Variants in SNAP47 observed in about 807,000 individuals in gnomAD.
SNAP47 encodes the protein synaptosomal-associated protein 47.
SNAP47 carries 20 observed loss-of-function variants against 31.4 expected under a neutral mutation model. The observed-to-expected ratio is 0.64, with a 90% CI of 0.45 to 0.93. SNAP47 has a LOEUF of 0.93. SNAP47 is among the 40% of genes least tolerant of loss of function. The probability of loss-of-function intolerance (pLI) is 0.00; values close to 1 mark genes in which losing one functional copy is unlikely to be tolerated. For synonymous variants in SNAP47, 194 were observed against 213.4 expected (o/e 0.91, Z 0.79); for missense variants, 492 against 528.5 (o/e 0.93, Z 0.68).
intron 4 of SNAP47, chr1:227,777,240 G>C: frequency 2.6e-6 from 1 of 385,492 alleles, no homozygotes. Context: ...AACATAAAGT[G>C]ATCACATCAC....
chr1:227,763,721 A>G lies in SNAP47; in HGVS notation c.989-3238A>G, dbSNP rs1305244126. On this transcript the variant is annotated intron_variant, in intron 3 of 4. Coordinates refer to ENST00000617596, the MANE Select transcript of SNAP47 (RefSeq NM_053052.4). This position sits in a 1 kb window ranked among gnomAD's most constrained non-coding sequence, Gnocchi z 4.2. ...GAGCACACAAGCTGCTGTCTCCTCC[A>G]TTCAGCTCCCTACGCTGTCCTTACC... 1.3e-5 allele frequency among the ~76,000 whole-genome samples: 2 copies of G among 152,296 alleles called. No homozygotes were observed. Among genetic ancestry groups the G allele is most frequent in the Non-Finnish European group, 1.5e-5 (1 of 68,010 alleles).
intron 4 of SNAP47, among the ~76,000 whole-genome samples, chr1:227,775,334 T>G (rs1438461818): frequency 6.6e-6 from 1 of 152,258 alleles, no homozygotes; most frequent in African/African-American, 2.4e-5. Flanking sequence ...AGCTCTGTTC[T>G]TAAATGGTTG....
chr1:227,739,102 C>A (rs999675804), intron 1 of SNAP47, among the ~76,000 whole-genome samples: 1 of 152,176 alleles, frequency 6.6e-6, no homozygotes, highest in Non-Finnish European at 1.5e-5. Flanking sequence ...GCCCTGGCAT[C>A]GCTTGGGAAT....
At chr1:227,767,545 A>G (rs1297970450) in intron 4 of SNAP47, among the ~76,000 whole-genome samples, 1 of 151,950 alleles carries the variant, frequency 6.6e-6, no homozygotes, top group East Asian at 1.9e-4. Flanking sequence ...ACTTGTGAGT[A>G]CATGTGTGTG....
chr1:227,776,607 A>G, intron 4 of SNAP47: 3 of 985,442 alleles, frequency 3.0e-6, no homozygotes, highest in Non-Finnish European at 3.6e-6. Flanking sequence ...CAGACTTCAC[A>G]TTCTCCATTC....
At chr1:227,751,871 C>T (rs1050859287) in intron 2 of SNAP47, among the ~76,000 whole-genome samples, 1 of 146,352 alleles carries the variant, frequency 6.8e-6, no homozygotes, top group South Asian at 2.2e-4. Flanking sequence ...TCCTGCCATT[C>T]TCCTGCCTCA....
At chr1:227,755,455 C>T (rs909416654) in intron 2 of SNAP47, among the ~76,000 whole-genome samples, 1 of 152,086 alleles carries the variant, frequency 6.6e-6, no homozygotes, top group Non-Finnish European at 1.5e-5. Flanking sequence ...GGCGTGATCT[C>T]GGCTCACTGC....
At chr1:227,760,656 A>G (rs1004412557) in intron 3 of SNAP47, among the ~76,000 whole-genome samples, 2 of 152,142 alleles carry the variant, frequency 1.3e-5, no homozygotes, top group Non-Finnish European at 2.9e-5. Context: ...TCTTGGTGTT[A>G]TTCTTGCCTT....
At chr1:227,777,208 TAGTGA>T in intron 4 of SNAP47, 1 of 586,558 alleles carries the variant, frequency 1.7e-6, no homozygotes, top group Non-Finnish European at 2.1e-6. Flanking sequence ...ATGGGTTACG[TAGTGA>T]AGTTTTCCAT....
chr1:227,745,268 C>T lies in SNAP47; in HGVS notation c.-45-2424C>T, dbSNP rs1206449868. 2.6e-5 allele frequency among the ~76,000 whole-genome samples: 4 copies of T among 152,158 alleles called. No homozygotes were observed. The East Asian group carries it at 5.8e-4, about 22-fold the overall frequency. On this transcript the variant is annotated intron_variant, in intron 1 of 4. Coordinates refer to ENST00000617596, the MANE Select transcript of SNAP47 (RefSeq NM_053052.4). ...TGCAAAATCACAAGTGCACCCAGGG[C>T]AAGGGGTGGACAGAAGCAGCCCCAC...
chr1:227,771,639 G>A (rs12726416), intron 4 of SNAP47, among the ~76,000 whole-genome samples: 12 of 151,728 alleles, frequency 7.9e-5, no homozygotes, highest in African/African-American at 1.9e-4. Flanking sequence ...CTGCTCACCC[G>A]CCTCTGTGCA....
upstream of SNAP47, chr1:227,733,312 C>A: frequency 7.7e-7 from 1 of 1,297,568 alleles, no homozygotes. Context: ...ACCCATGAGC[C>A]ACCCCATTCC....
At position 227,757,590 on chromosome 1, in the gene SNAP47, A is replaced by G. The variant is rs117241765; in HGVS notation, c.498-1405A>G. Among the ~76,000 whole-genome samples, 693 of 152,346 alleles carry G rather than the reference A, an allele frequency of 4.5e-3. 18 individuals are homozygous for G. The South Asian group carries it at 0.055, about 12-fold the overall frequency. On this transcript the variant is annotated intron_variant, in intron 2 of 4. Coordinates refer to ENST00000617596, the MANE Select transcript of SNAP47 (RefSeq NM_053052.4). ...CTGTAAACTCTTGCTGAGGTCATAT[A>G]ATGTCTTCCCATTGATGTATGGGAT...
At chr1:227,759,849 C>G (rs1662949950) in intron 3 of SNAP47, among the ~76,000 whole-genome samples, 1 of 152,214 alleles carries the variant, frequency 6.6e-6, no homozygotes, top group African/African-American at 2.4e-5. Flanking sequence ...CTCTGGGTGG[C>G]TCAGTGATGT....
rs1417025046 is a variant in SNAP47 at position 227,762,369 on chromosome 1, G to A, written c.988+2884G>A. Among the ~76,000 whole-genome samples, 1 of 152,226 alleles carries A rather than the reference G, an allele frequency of 6.6e-6. No homozygotes were observed. On this transcript the variant is annotated intron_variant, in intron 3 of 4. Transcript: ENST00000617596. This position sits in a 1 kb window ranked among gnomAD's most constrained non-coding sequence, Gnocchi z 4.2. The stretch of plus-strand genomic sequence containing the variant: ...CCTGGTGCTATGTTAGCAAGAAGGC[G>A]GCGCCCCGTTTGATGGGAGCTCAGT...
chr1:227,749,486 A>G (rs774504848), intron 2 of SNAP47, among the ~76,000 whole-genome samples: 1 of 151,898 alleles, frequency 6.6e-6, no homozygotes, highest in African/African-American at 2.4e-5. Context: ...GGTTCTTCCT[A>G]CCTCTGCTGG....
At chr1:227,769,440 G>A (rs923352827) in intron 4 of SNAP47, among the ~76,000 whole-genome samples, 1 of 152,016 alleles carries the variant, frequency 6.6e-6, no homozygotes, top group African/African-American at 2.4e-5. Flanking sequence ...CCTATTTAGA[G>A]AATTCCTAGT....
intron 2 of SNAP47, among the ~76,000 whole-genome samples, chr1:227,753,199 A>G (rs1416103344): frequency 6.6e-6 from 1 of 152,208 alleles, no homozygotes; most frequent in Non-Finnish European, 1.5e-5. Context: ...AGCATGCTGC[A>G]GTGAACTTGG....
At chr1:227,750,388 G>C (rs1410681488) in intron 2 of SNAP47, among the ~76,000 whole-genome samples, 2 of 152,260 alleles carry the variant, frequency 1.3e-5, no homozygotes, top group Non-Finnish European at 1.5e-5. Context: ...TGCTTTCCTG[G>C]GAGTCCGCCA....
Sources: gnomAD v4.1 joint callset for allele counts (sites outside exome capture counted in the v4.1 genomes callset) on GRCh38, gnomAD v4.1.1 for gene constraint, Gnocchi (gnomAD v3.1) non-coding constraint, MANE v1.5 for transcripts, NCBI Gene and HGNC (gene_info 2026-07-23, HGNC 2026-07-21) for gene names.